The following PCBP3 variants were observed in gnomAD, a reference collection of about 807,000 sequenced individuals.
The protein encoded by PCBP3 is poly(rC)-binding protein 3.
A neutral mutation model predicts 52.7 loss-of-function variants in PCBP3; 25 were observed. That is an observed-to-expected ratio of 0.47 (90% confidence interval 0.35 to 0.66). The LOEUF is 0.66. Among genes scored for constraint, PCBP3 ranks in the 30% least tolerant of loss-of-function variants. The pLI, the probability that PCBP3 is intolerant of heterozygous loss-of-function variation, is 0.01. For synonymous variants in PCBP3, 162 were observed against 183.0 expected (o/e 0.89, Z 0.93); for missense variants, 391 against 490.3 (o/e 0.80, Z 1.91).
intron 4 of PCBP3, among the ~76,000 whole-genome samples, chr21:45,787,393 T>C (rs1434527939): frequency 1.3e-5 from 2 of 151,818 alleles, no homozygotes; most frequent in Non-Finnish European, 2.9e-5. Context: ...TACAGGCGCG[T>C]GTCACCACAC....
intron 4 of PCBP3, among the ~76,000 whole-genome samples, chr21:45,801,658 C>T (rs527779240): frequency 5.3e-5 from 8 of 152,330 alleles, no homozygotes; most frequent in African/African-American, 1.7e-4. Context: ...AGTAGATCCT[C>T]CTGGATGCAC....
chr21:45,842,731 G>A (rs2093724255), intron 4 of PCBP3, among the ~76,000 whole-genome samples: 3 of 152,304 alleles, frequency 2.0e-5, no homozygotes, highest in South Asian at 2.1e-4. Context: ...GCAAGCTAGG[G>A]TGGAGATCCA....
chr21:45,823,969 T>C (rs772994496), intron 4 of PCBP3, among the ~76,000 whole-genome samples: 1 of 152,136 alleles, frequency 6.6e-6, no homozygotes, highest in Non-Finnish European at 1.5e-5. Context: ...CTCAAACTCC[T>C]GACCTCACGT....
At position 45,863,874 on chromosome 21, in the gene PCBP3, C is replaced by T. The variant is rs574366954; in HGVS notation, c.10+13779C>T. On this transcript the variant is annotated intron_variant, in intron 5 of 17. Transcript: ENST00000681687. The stretch of plus-strand genomic sequence containing the variant: ...GCAGAGTTTGTGCTTGGTTGACTGT[C>T]GGGGAAATGCCTAGAGGAACCGCAT... 7.9e-5 allele frequency among the ~76,000 whole-genome samples: 12 copies of T among 152,174 alleles called. No homozygotes were observed. The South Asian group carries it at 1.2e-3, about 16-fold the overall frequency.
intron 5 of PCBP3, among the ~76,000 whole-genome samples, chr21:45,892,828 G>T (rs1310513382): frequency 6.6e-6 from 1 of 152,178 alleles, no homozygotes. Flanking sequence ...ATCCACCTGG[G>T]TCTCCCCATC....
chr21:45,667,454 A>T (rs2080882877), intron 1 of PCBP3, among the ~76,000 whole-genome samples: 1 of 151,960 alleles, frequency 6.6e-6, no homozygotes, highest in South Asian at 2.1e-4. Flanking sequence ...TTCAAATATG[A>T]TGTTGAACCA....
In PCBP3 at chr21:45,741,043, G is replaced by C. The variant is rs959087580; in HGVS notation, c.-162+5614G>C. 3.9e-5 allele frequency among the ~76,000 whole-genome samples: 6 copies of C among 152,196 alleles called. No homozygotes were observed. Among genetic ancestry groups the C allele is most frequent in the Non-Finnish European group, 5.9e-5 (4 of 68,034 alleles). ...GGGGGACTGTCCTAAACGGAAAGCAGGGCACGGGATGGCTTCACTCCAGCT... is the reference window on the plus strand; with the variant it reads ...GGGGGACTGTCCTAAACGGAAAGCACGGCACGGGATGGCTTCACTCCAGCT... On this transcript the variant is annotated intron_variant, in intron 3 of 17. Transcript: ENST00000681687. This position sits in a 1 kb window ranked among gnomAD's most constrained non-coding sequence, Gnocchi z 4.5.
In PCBP3 at chr21:45,791,012, G is replaced by T. The variant is rs1432577127; in HGVS notation, c.-126+35560G>T. Reference sequence around the variant, plus strand: ...ACCAGCAGAGCTCTCACAAGGGCAGGAGAACCACTGGGGCAGCCTTGGGAT... The same window carrying T: ...ACCAGCAGAGCTCTCACAAGGGCAGTAGAACCACTGGGGCAGCCTTGGGAT... On this transcript the variant is annotated intron_variant, in intron 4 of 17. Coordinates refer to ENST00000681687, the MANE Select transcript of PCBP3 (RefSeq NM_001384156.1). The surrounding 1 kb of genome is among the most constrained non-coding windows in gnomAD (Gnocchi z 4.2). Among the ~76,000 whole-genome samples, 3 of 152,174 alleles carry T rather than the reference G, an allele frequency of 2.0e-5. No homozygotes were observed. Among genetic ancestry groups the T allele is most frequent in the Non-Finnish European group, 2.9e-5 (2 of 68,038 alleles).
chr21:45,657,991 C>T (rs2080128144), intron 1 of PCBP3, among the ~76,000 whole-genome samples: 1 of 152,206 alleles, frequency 6.6e-6, no homozygotes, highest in Middle Eastern at 3.4e-3. Flanking sequence ...TGTTCCTTAT[C>T]TTAGGGGGAA....
chr21:45,886,791 AG>A (rs1423314869), intron 5 of PCBP3, among the ~76,000 whole-genome samples: 1 of 152,166 alleles, frequency 6.6e-6, no homozygotes, highest in Non-Finnish European at 1.5e-5. Context: ...CACTGACACC[AG>A]GGGGCAAGGA....
At chr21:45,918,335 TG>T (rs1177606402) in intron 13 of PCBP3, 1 of 150,336 alleles carries the variant, frequency 6.7e-6, no homozygotes, top group Non-Finnish European at 1.5e-5. Context: ...AAACGGTCGG[TG>T]TAATTCCAGT....
intron 1 of PCBP3, among the ~76,000 whole-genome samples, chr21:45,648,692 A>C (rs971301391): frequency 6.6e-6 from 1 of 152,246 alleles, no homozygotes; most frequent in Non-Finnish European, 1.5e-5. Context: ...ATTATTGCCA[A>C]TTGAGTAGAT....
chr21:45,654,338 ATTTTTTT>A (rs398036499), intron 1 of PCBP3, among the ~76,000 whole-genome samples: 3 of 109,416 alleles, frequency 2.7e-5, no homozygotes, highest in Admixed American at 2.1e-4. Context: ...TAGACATTGC[ATTTTTTT>A]TTTTTTTTTT....
At chr21:45,845,913 C>T (rs2093800861) in intron 4 of PCBP3, among the ~76,000 whole-genome samples, 1 of 152,234 alleles carries the variant, frequency 6.6e-6, no homozygotes, top group African/African-American at 2.4e-5. Flanking sequence ...CGGGGTCTCA[C>T]AGCCAGAGCA....
intron 4 of PCBP3, among the ~76,000 whole-genome samples, chr21:45,757,813 A>T (rs2088207602): frequency 6.6e-6 from 1 of 152,162 alleles, no homozygotes; most frequent in Non-Finnish European, 1.5e-5. Flanking sequence ...TTAGTATTCT[A>T]GTCAGAAATC....
intron 15 of PCBP3, among the ~76,000 whole-genome samples, chr21:45,931,694 G>A (rs1324159341): frequency 3.3e-5 from 5 of 152,050 alleles, no homozygotes; most frequent in African/African-American, 9.7e-5. Context: ...CAAACACGTC[G>A]GCCATGCTGT....
rs960363968 is a variant in PCBP3 at position 45,850,004 on chromosome 21, CTGCTGTGGTTATGA to C, written c.-77_-64del. 1 of 1,296,796 alleles carries C rather than the reference CTGCTGTGGTTATGA, an allele frequency of 7.7e-7. No individual in the cohort carries two copies. Among genetic ancestry groups the C allele is most frequent in the Non-Finnish European group, 1.1e-6 (1 of 914,640 alleles). 80.3% of individuals were successfully genotyped at this position (1,296,796 alleles called of 1,614,324 possible). ...AAAAGTCAACCCTTCTGTAAATCACCTGCTGTGGTTATGATGCTCTGAGTTCAATACGTCTGAAC... is the reference window on the plus strand; with the variant it reads ...AAAAGTCAACCCTTCTGTAAATCACCTGCTCTGAGTTCAATACGTCTGAAC... On this transcript the variant is annotated 5_prime_UTR_variant, in exon 5 of 18. It removes an upstream start codon present in the reference 5' UTR. Coordinates refer to ENST00000681687, the MANE Select transcript of PCBP3 (RefSeq NM_001384156.1).
intron 2 of PCBP3, among the ~76,000 whole-genome samples, chr21:45,683,221 CT>C (rs1159204069): frequency 1.3e-5 from 2 of 152,136 alleles, no homozygotes; most frequent in African/African-American, 4.8e-5. Flanking sequence ...TCAAAGAGGC[CT>C]TTGGTGATCC....
At chr21:45,718,047 G>A (rs2084345723) in intron 2 of PCBP3, among the ~76,000 whole-genome samples, 6 of 152,080 alleles carry the variant, frequency 3.9e-5, no homozygotes, top group African/African-American at 1.4e-4. Context: ...TCTAGAGTCA[G>A]TTTCTGTAGT....
Sources: allele counts gnomAD v4.1 joint callset (sites outside exome capture counted in the v4.1 genomes callset), GRCh38; gene constraint gnomAD v4.1.1; non-coding constraint Gnocchi (gnomAD v3.1); transcripts MANE v1.5; gene names NCBI Gene and HGNC (gene_info 2026-07-23, HGNC 2026-07-21).